Variants in MREG observed in about 807,000 individuals in gnomAD.
MREG encodes the protein dilute suppressor protein homolog.
In MREG, 31 loss-of-function variants were observed where a neutral mutation model predicts 28.5. That is an observed-to-expected ratio of 1.09 (90% CI 0.82 to 1.47). MREG has a LOEUF of 1.47. Among genes scored for constraint, MREG ranks in the 40% most tolerant of loss-of-function variants. The probability of loss-of-function intolerance (pLI) is 0.00; values close to 1 mark genes in which losing one functional copy is unlikely to be tolerated. For synonymous variants in MREG, 106 were observed against 95.2 expected (o/e 1.11, Z -0.66); for missense variants, 256 against 257.4 (o/e 0.99, Z 0.04).
chr2:216,022,134 C>T (rs1236569011), intron 1 of MREG, among the ~76,000 whole-genome samples: 5 of 151,992 alleles, frequency 3.3e-5, no homozygotes, highest in African/African-American at 1.2e-4. Context: ...ACCTGTAATC[C>T]CAACTACTTG....
chr2:216,002,902 TTCTC>T (rs1257455823), intron 1 of MREG, among the ~76,000 whole-genome samples: 3 of 151,290 alleles, frequency 2.0e-5, no homozygotes, highest in South Asian at 2.1e-4. Flanking sequence ...TCTGTCTCTC[TTCTC>T]TCTTTCTCTC....
At chr2:215,941,135 T>G (rs1692192302), downstream of MREG, among the ~76,000 whole-genome samples, 1 of 151,648 alleles carries the variant, frequency 6.6e-6, no homozygotes, top group Non-Finnish European at 1.5e-5. Context: ...ATGATAAGGC[T>G]CAACATTCCC....
chr2:216,009,188 TA>T (rs1473240820), intron 1 of MREG, among the ~76,000 whole-genome samples: 2 of 152,208 alleles, frequency 1.3e-5, no homozygotes, highest in African/African-American at 4.8e-5. Context: ...ACACCTTATT[TA>T]ATATATATTG....
chr2:215,988,612 C>T (rs1693641426), intron 2 of MREG, among the ~76,000 whole-genome samples: 1 of 152,212 alleles, frequency 6.6e-6, no homozygotes, highest in Non-Finnish European at 1.5e-5. Context: ...GATCCCACTC[C>T]CATGGAGCCC....
chr2:215,947,056 T>C lies in MREG; in HGVS notation c.313A>G (p.Arg105Gly). ...TCTAAGATGCACTTCCATCTGTTTC[T>C]TACTTCCCTTCGAACCTGCCGCAGG... is the stretch of plus-strand genomic sequence containing the variant. ...HTLRQVRREV[R>G]NRWKCILEDL... The change falls in exon 3 of 5, where the codon AGA becomes GGA. Residue 105 changes from arginine to glycine, a missense_variant. Arg to Gly is a moderately radical substitution (Grantham distance 125). Coordinates refer to ENST00000263268, the MANE Select transcript of MREG (RefSeq NM_018000.3). 6.2e-7 allele frequency: 1 copy of C among 1,612,254 alleles called. No individual in the cohort carries two copies. Among genetic ancestry groups the C allele is most frequent in the Non-Finnish European group, 8.5e-7 (1 of 1,178,468 alleles).
chr2:216,017,233 C>A (rs1368769143), upstream of MREG, among the ~76,000 whole-genome samples: 1 of 152,144 alleles, frequency 6.6e-6, no homozygotes, highest in Non-Finnish European at 1.5e-5. Flanking sequence ...AATAATATGT[C>A]TTGGAGAGCA....
chr2:215,979,206 G>A (rs1275135530), intron 2 of MREG, among the ~76,000 whole-genome samples: 1 of 152,158 alleles, frequency 6.6e-6, no homozygotes, highest in Non-Finnish European at 1.5e-5. Context: ...GCTCACGCCT[G>A]TAATCCCAGC....
intron 1 of MREG, among the ~76,000 whole-genome samples, chr2:215,998,369 C>T (rs1250928409): frequency 1.3e-5 from 2 of 151,522 alleles, no homozygotes; most frequent in African/African-American, 4.9e-5. Flanking sequence ...CCAGGGCCCA[C>T]TTACAAAAAC....
chr2:216,002,126 T>C (rs1559194485), intron 1 of MREG, among the ~76,000 whole-genome samples: 1 of 152,216 alleles, frequency 6.6e-6, no homozygotes, highest in Non-Finnish European at 1.5e-5. Flanking sequence ...AAATATTTTA[T>C]TAACATCAGG....
At chr2:215,983,204 T>C (rs1004649652) in intron 2 of MREG, among the ~76,000 whole-genome samples, 4 of 152,220 alleles carry the variant, frequency 2.6e-5, no homozygotes, top group African/African-American at 9.6e-5. Flanking sequence ...TATCTCCAAA[T>C]GTAGCCAATG....
rs748151668 is a variant in MREG at position 215,944,980 on chromosome 2, A to G, written c.528T>C (p.Leu176=). The change falls in exon 5 of 5, where the codon CTT becomes CTC. Residue 176 remains leucine, a synonymous_variant. Transcript: ENST00000263268. ...GCTTAAAGAACTCTTCTGCAGCATCAAGTGCAATGAGACGGTCCTGCAAAA... is the reference window on the plus strand; with the variant it reads ...GCTTAAAGAACTCTTCTGCAGCATCGAGTGCAATGAGACGGTCCTGCAAAA... ...YLFVVDRLIA[L]DAAEEFFKLA... is the part of the protein sequence containing the mutation. The G allele has an allele frequency of 3.1e-6, 5 of 1,589,340 alleles. No homozygotes were observed. In the South Asian group the frequency reaches 5.6e-5, roughly 18 times the overall value.
intron 1 of MREG, among the ~76,000 whole-genome samples, chr2:216,005,949 G>A (rs1026394175): frequency 6.6e-6 from 1 of 151,402 alleles, no homozygotes; most frequent in African/African-American, 2.4e-5. Flanking sequence ...TTCCTAAAAG[G>A]GCACAAAAGA....
chr2:215,996,475 A>T lies in MREG; in HGVS notation c.96-10T>A. 1 of 1,594,812 alleles carries T rather than the reference A, an allele frequency of 6.3e-7. No homozygotes were observed. Among genetic ancestry groups the T allele is most frequent in the East Asian group, 2.2e-5 (1 of 44,716 alleles). ...ATATGGATTGTTATCACTGTTGTATAAAAAAAGGAAAGATTGGGGTTTTAT... is the reference window on the plus strand; with the variant it reads ...ATATGGATTGTTATCACTGTTGTATTAAAAAAGGAAAGATTGGGGTTTTAT... On this transcript the variant is annotated splice_polypyrimidine_tract_variant and intron_variant, in intron 1 of 4. Coordinates refer to ENST00000263268, the MANE Select transcript of MREG (RefSeq NM_018000.3).
intron 1 of MREG, among the ~76,000 whole-genome samples, chr2:216,001,061 C>T (rs1215330320): frequency 6.6e-6 from 1 of 151,952 alleles, no homozygotes. Context: ...CTCACTATCA[C>T]TTCTTTTCCT....
intron 1 of MREG, among the ~76,000 whole-genome samples, chr2:216,019,193 T>C (rs1173313828): frequency 6.6e-6 from 1 of 152,206 alleles, no homozygotes; most frequent in Non-Finnish European, 1.5e-5. Flanking sequence ...AATTTTTTTT[T>C]CTTTTTTGGC....
intron 2 of MREG, among the ~76,000 whole-genome samples, chr2:215,977,388 T>G (rs1693290725): frequency 6.6e-6 from 1 of 152,168 alleles, no homozygotes; most frequent in Non-Finnish European, 1.5e-5. Flanking sequence ...AGCAAGTCCT[T>G]AGAGACCTAC....
upstream of MREG, among the ~76,000 whole-genome samples, chr2:216,017,344 TCCTCTTC>T (rs1196109043): frequency 4.6e-5 from 7 of 152,192 alleles, no homozygotes; most frequent in Non-Finnish European, 1.0e-4. Flanking sequence ...TTCTTAGCAT[TCCTCTTC>T]CCGGAATTTT....
chr2:216,028,998 A>C (rs182024045), intron 1 of MREG, among the ~76,000 whole-genome samples: 44 of 152,290 alleles, frequency 2.9e-4, no homozygotes, highest in Admixed American at 1.7e-3. Context: ...TGGAATATGG[A>C]GTTAAGTGCA....
At chr2:216,032,761 A>C (rs1465764305) in intron 1 of MREG, 1 of 152,188 alleles carries the variant, frequency 6.6e-6, no homozygotes, top group Non-Finnish European at 1.5e-5. Context: ...TTTTGGGCTC[A>C]ATAATTGCTA....
Sources: gnomAD v4.1 joint callset for allele counts (sites outside exome capture counted in the v4.1 genomes callset) on GRCh38, gnomAD v4.1.1 for gene constraint, MANE v1.5 for transcripts, NCBI Gene and HGNC (gene_info 2026-07-23, HGNC 2026-07-21) for gene names.